PCDHA8: variants seen among roughly 807,000 people sequenced by gnomAD.
PCDHA8 encodes the protein protocadherin alpha-8.
In PCDHA8, 53 loss-of-function variants were observed where a neutral mutation model predicts 61.8. The observed-to-expected ratio is 0.86, with a 90% CI of 0.69 to 1.08. The LOEUF is 1.08. Ranked by LOEUF, PCDHA8 falls within the 50% of genes least tolerant of loss-of-function variation. The pLI, the probability that PCDHA8 is intolerant of heterozygous loss-of-function variation, is 0.00. For missense variants in PCDHA8, 1,293 were observed against 1,245.0 expected, an observed-to-expected ratio of 1.04 and a Z score of -0.58; for synonymous variants, 618 against 556.6, an observed-to-expected ratio of 1.11 and a Z score of -1.55.
rs1554262229 is a variant in PCDHA8, at chr5:141,009,613, G to A, written c.2543-14G>A. ...GTTGACCCTGTTAATGATTTGTAATGTTTTGTCTTTCAGAACCAGAGGCAG... is the reference window on the plus strand; with the variant it reads ...GTTGACCCTGTTAATGATTTGTAATATTTTGTCTTTCAGAACCAGAGGCAG... On this transcript the variant is annotated splice_polypyrimidine_tract_variant and intron_variant, in intron 3 of 3. Coordinates refer to ENST00000531613, the MANE Select transcript of PCDHA8 (RefSeq NM_018911.3). The A allele has an allele frequency of 6.2e-7, 1 of 1,611,932 alleles. No individual in the cohort carries two copies. Among genetic ancestry groups the A allele is most frequent in the Non-Finnish European group, 8.5e-7 (1 of 1,178,618 alleles).
At position 140,853,046 on chromosome 5, in the gene PCDHA8, T is replaced by C. The variant is rs2150527902; in HGVS notation, c.2394+9331T>C. 4 of 266,690 alleles carry C rather than the reference T, an allele frequency of 1.5e-5. No individual in the cohort carries two copies. The South Asian group carries it at 5.7e-4, about 38-fold the overall frequency. The allele number at this position is 266,690 out of a possible 1,614,324, so 16.5% of individuals were successfully genotyped here. On this transcript the variant is annotated intron_variant, in intron 1 of 3. Transcript: ENST00000531613. ...GGCGCCTGCCACCATGCCCGCCTAA[T>C]TTTTTTGTATTTTTAGTAGAGATGG...
chr5:140,900,233 GT>G (rs1261263702), intron 1 of PCDHA8, among the ~76,000 whole-genome samples: 15 of 151,946 alleles, frequency 9.9e-5, no homozygotes, highest in African/African-American at 2.7e-4. Context: ...ACTGGATCTT[GT>G]TTTTTTTATG....
At chr5:140,873,403 G>A (rs2054270816) in intron 1 of PCDHA8, among the ~76,000 whole-genome samples, 1 of 152,046 alleles carries the variant, frequency 6.6e-6, no homozygotes, top group South Asian at 2.1e-4. Flanking sequence ...TTCAGTACAG[G>A]TTAAAATTTT....
At chr5:140,899,400 AG>A (rs1331352997) in intron 1 of PCDHA8, among the ~76,000 whole-genome samples, 2 of 152,132 alleles carry the variant, frequency 1.3e-5, no homozygotes, top group Non-Finnish European at 2.9e-5. Context: ...TTTAGCATGA[AG>A]GGTTGTTGAA....
At chr5:140,891,136 G>A (rs541876133) in intron 1 of PCDHA8, among the ~76,000 whole-genome samples, 1 of 152,068 alleles carries the variant, frequency 6.6e-6, no homozygotes, top group Non-Finnish European at 1.5e-5. Context: ...TTCCTTTAAA[G>A]GTATTCTGTT....
chr5:140,870,623 T>C, intron 1 of PCDHA8: 1 of 1,613,108 alleles, frequency 6.2e-7, no homozygotes. Context: ...TCGAGCTACG[T>C]GTCGGTGCAC....
chr5:140,857,611 G>T, intron 1 of PCDHA8: 1 of 1,596,436 alleles, frequency 6.3e-7, no homozygotes, highest in Admixed American at 1.7e-5. Context: ...CGCTGCAGCC[G>T]CTGGACCACG....
intron 1 of PCDHA8, among the ~76,000 whole-genome samples, chr5:140,872,369 G>A (rs192689204): frequency 1.3e-4 from 20 of 152,274 alleles, no homozygotes; most frequent in Admixed American, 1.2e-3. Context: ...GTTCAGGCCT[G>A]TAATCCCAGC....
rs1554169291 is a variant in PCDHA8 at position 140,877,075 on chromosome 5, G to A, written c.2394+33360G>A. On this transcript the variant is annotated intron_variant, in intron 1 of 3. Transcript: ENST00000531613. ...GGAGCTGGAGCTGCTGCAGTTCCAGGTGAGCGCGCGCGACGCCGGCGTGCC... is the reference window on the plus strand; with the variant it reads ...GGAGCTGGAGCTGCTGCAGTTCCAGATGAGCGCGCGCGACGCCGGCGTGCC... 6.2e-7 allele frequency: 1 copy of A among 1,612,986 alleles called. No individual in the cohort carries two copies. The highest frequency in any genetic ancestry group is 1.1e-5 in the South Asian group (1 of 91,036).
At chr5:140,857,310 A>T in intron 1 of PCDHA8, 1 of 1,598,608 alleles carries the variant, frequency 6.3e-7, no homozygotes, top group Non-Finnish European at 8.6e-7. Flanking sequence ...TCGGCCTATG[A>T]GCTGGTGGTG....
chr5:140,877,179 G>A (rs1554169418), intron 1 of PCDHA8: 8 of 1,613,712 alleles, frequency 5.0e-6, no homozygotes, highest in East Asian at 2.2e-5. Flanking sequence ...TGGCGACTCC[G>A]GCTGGCAGCG....
chr5:140,890,737 T>C (rs926717911), intron 1 of PCDHA8, among the ~76,000 whole-genome samples: 1 of 152,240 alleles, frequency 6.6e-6, no homozygotes. Flanking sequence ...TTGACTTATA[T>C]ACTATTTCTG....
chr5:140,875,208 C>G (rs1297860404), intron 1 of PCDHA8: 2 of 668,428 alleles, frequency 3.0e-6, no homozygotes, highest in East Asian at 6.8e-5. Flanking sequence ...GTGGCTAAAC[C>G]GAAAAGAACC....
chr5:140,884,628 G>A (rs2153405760), intron 1 of PCDHA8: 3 of 1,612,722 alleles, frequency 1.9e-6, no homozygotes, highest in Non-Finnish European at 2.5e-6. Context: ...GAGGGAACAG[G>A]CCAGAGGGAG....
intron 1 of PCDHA8, among the ~76,000 whole-genome samples, chr5:140,912,714 C>T (rs1312540155): frequency 6.6e-6 from 1 of 152,088 alleles, no homozygotes; most frequent in African/African-American, 2.4e-5. Context: ...CAACTTTTCT[C>T]CATTCAATAT....
At chr5:140,870,252 GGTGACCT>G in intron 1 of PCDHA8, 5 of 1,614,198 alleles carry the variant, frequency 3.1e-6, no homozygotes, top group Non-Finnish European at 4.2e-6. Context: ...TCAACGGACA[GGTGACCT>G]GCTCGCTGAC....
intron 1 of PCDHA8, chr5:140,875,357 C>G (rs1173514822): frequency 6.9e-7 from 1 of 1,446,594 alleles, no homozygotes; most frequent in Non-Finnish European, 9.1e-7. Flanking sequence ...GACTGTGATG[C>G]TGGAAAAAAT....
intron 1 of PCDHA8, among the ~76,000 whole-genome samples, chr5:140,899,650 T>C (rs1174353279): frequency 5.3e-5 from 8 of 152,192 alleles, no homozygotes; most frequent in African/African-American, 1.7e-4. Flanking sequence ...TCTTATTTGG[T>C]TGTGTCTCTG....
chr5:140,852,533 C>G (rs2150517773), intron 1 of PCDHA8: 2 of 491,290 alleles, frequency 4.1e-6, no homozygotes, highest in East Asian at 2.9e-4. Context: ...ACCTCGGCCT[C>G]CCAAAGTGCT....
Sources: allele counts gnomAD v4.1 joint callset (sites outside exome capture counted in the v4.1 genomes callset), GRCh38; gene constraint gnomAD v4.1.1; transcripts MANE v1.5; gene names NCBI Gene and HGNC (gene_info 2026-07-23, HGNC 2026-07-21).